Variants in BTBD9 observed in about 807,000 individuals in gnomAD.
The protein encoded by BTBD9 is BTB domain containing 9.
BTBD9 carries 49 observed loss-of-function variants against 64.3 expected under a neutral mutation model. The ratio of observed to expected loss-of-function variants is 0.76; its 90% CI spans 0.61 to 0.97. The LOEUF (loss-of-function observed/expected upper bound fraction) is 0.97, where lower values mean the gene tolerates loss of function less well. Ranked by LOEUF, BTBD9 falls within the 50% of genes least tolerant of loss-of-function variation. The probability of loss-of-function intolerance (pLI) is 0.00; values close to 1 mark genes in which losing one functional copy is unlikely to be tolerated. For missense variants in BTBD9, 598 were observed against 762.1 expected (o/e 0.78, Z 2.53); for synonymous variants, 260 against 274.7 (o/e 0.95, Z 0.53).
In BTBD9 at chr6:38,553,390, C is replaced by T; in HGVS notation, c.1154+24210G>A. ...AGATTTGGAGGGGGCAGGCTGGTCA[C>T]TAAAACAGATCCAACACAAAGCTGT... On this transcript the variant is annotated intron_variant, in intron 6 of 10. Transcript: ENST00000481247. Among the ~76,000 whole-genome samples the T allele has an allele frequency of 1.3e-5, 2 of 152,114 alleles. 1 individual carries two copies. The highest frequency in any genetic ancestry group is 2.9e-5 in the Non-Finnish European group (2 of 68,008).
chr6:38,375,936 AAAGAAGGAAAGAAGGAAAG>A (rs1444084409), intron 6 of BTBD9, among the ~76,000 whole-genome samples: 4 of 99,654 alleles, frequency 4.0e-5, no homozygotes, highest in African/African-American at 1.9e-4. Context: ...AGAAAGAAAG[AAAGAAGGAAAGAAGGAAAG>A]AAAGAAAGAA....
chr6:38,406,228 G>C (rs1462860280), intron 6 of BTBD9, among the ~76,000 whole-genome samples: 1 of 152,164 alleles, frequency 6.6e-6, no homozygotes, highest in Non-Finnish European at 1.5e-5. Context: ...TAACATTTTA[G>C]AGTCCCAGAA....
At chr6:38,185,820 T>C (rs1332772926) in intron 10 of BTBD9, among the ~76,000 whole-genome samples, 1 of 152,222 alleles carries the variant, frequency 6.6e-6, no homozygotes, top group East Asian at 1.9e-4. Context: ...AATCCTAGTA[T>C]ACGTATTCTT....
chr6:38,421,227 G>C (rs1244635300), intron 6 of BTBD9, among the ~76,000 whole-genome samples: 5 of 151,926 alleles, frequency 3.3e-5, no homozygotes, highest in Admixed American at 3.3e-4. Context: ...GTGGTGATGG[G>C]TGCCTGTAAT....
intron 1 of BTBD9, among the ~76,000 whole-genome samples, chr6:38,622,190 G>A (rs1179653325): frequency 1.3e-5 from 2 of 152,202 alleles, no homozygotes; most frequent in Non-Finnish European, 2.9e-5. Flanking sequence ...TAATCCCTCG[G>A]TCCGTTGTAA....
chr6:38,290,546 T>G (rs1447590760), intron 7 of BTBD9, among the ~76,000 whole-genome samples: 1 of 152,204 alleles, frequency 6.6e-6, no homozygotes, highest in African/African-American at 2.4e-5. Context: ...ATTTTTTCAC[T>G]CACCCTATGT....
At chr6:38,497,392 C>T (rs1000240037) in intron 6 of BTBD9, among the ~76,000 whole-genome samples, 1 of 151,858 alleles carries the variant, frequency 6.6e-6, no homozygotes, top group Non-Finnish European at 1.5e-5. Context: ...CTTTTTTTCC[C>T]CAAACTGTAC....
At chr6:38,430,412 A>G (rs1768393760) in intron 6 of BTBD9, among the ~76,000 whole-genome samples, 1 of 151,534 alleles carries the variant, frequency 6.6e-6, no homozygotes, top group African/African-American at 2.4e-5. Flanking sequence ...TTGTTTAGAG[A>G]CAGGGTCTCA....
At chr6:38,623,939 G>C (rs1007304376) in intron 1 of BTBD9, among the ~76,000 whole-genome samples, 1 of 152,122 alleles carries the variant, frequency 6.6e-6, no homozygotes, top group Non-Finnish European at 1.5e-5. Flanking sequence ...TACTACAACT[G>C]CAGGGCCCCT....
chr6:38,591,569 C>A (rs535032903), intron 4 of BTBD9, among the ~76,000 whole-genome samples: 1 of 152,290 alleles, frequency 6.6e-6, no homozygotes, highest in African/African-American at 2.4e-5. Flanking sequence ...GTTAATTACA[C>A]AACTTCTGGA....
chr6:38,464,466 A>G (rs1770250351), intron 6 of BTBD9, among the ~76,000 whole-genome samples: 1 of 149,764 alleles, frequency 6.7e-6, no homozygotes, highest in South Asian at 2.1e-4. Context: ...TCTGTGTTCC[A>G]TGAGGAATAT....
chr6:38,489,694 T>C (rs1344867909), intron 6 of BTBD9, among the ~76,000 whole-genome samples: 2 of 152,224 alleles, frequency 1.3e-5, no homozygotes, highest in Admixed American at 1.3e-4. Context: ...TTTTTCCATT[T>C]GATAAGCATG....
chr6:38,423,510 G>T (rs768566430), intron 6 of BTBD9, among the ~76,000 whole-genome samples: 1 of 151,962 alleles, frequency 6.6e-6, no homozygotes, highest in African/African-American at 2.4e-5. Flanking sequence ...TCACTATATT[G>T]CCCAGGGTGG....
At chr6:38,604,231 T>C (rs1487025718) in intron 1 of BTBD9, among the ~76,000 whole-genome samples, 1 of 152,258 alleles carries the variant, frequency 6.6e-6, no homozygotes, top group African/African-American at 2.4e-5. Flanking sequence ...GGAAAGATTT[T>C]GAATGTCCAG....
At chr6:38,549,453 C>T (rs911192683) in intron 6 of BTBD9, among the ~76,000 whole-genome samples, 2 of 152,130 alleles carry the variant, frequency 1.3e-5, no homozygotes, top group African/African-American at 4.8e-5. Flanking sequence ...ATGTTTGTCC[C>T]CAAACAGGCT....
intron 1 of BTBD9, among the ~76,000 whole-genome samples, chr6:38,598,364 C>G (rs34408317): frequency 0.087 from 13,198 of 152,188 alleles, 696 homozygotes; most frequent in Middle Eastern, 0.18. Context: ...ACTAACAGCA[C>G]TTGGAGCCAT....
chr6:38,251,457 G>A (rs1211142758), intron 9 of BTBD9, among the ~76,000 whole-genome samples: 3 of 151,904 alleles, frequency 2.0e-5, no homozygotes, highest in Non-Finnish European at 4.4e-5. Context: ...TAGAGACAGG[G>A]CTTCATCATG....
intron 9 of BTBD9, among the ~76,000 whole-genome samples, chr6:38,247,170 C>A (rs1175064204): frequency 6.8e-6 from 1 of 146,476 alleles, no homozygotes; most frequent in Non-Finnish European, 1.5e-5. Context: ...AAAAAAAAAT[C>A]ACAGGCAAAG....
intron 6 of BTBD9, among the ~76,000 whole-genome samples, chr6:38,430,552 G>C (rs940625706): frequency 6.6e-6 from 1 of 151,788 alleles, no homozygotes; most frequent in Non-Finnish European, 1.5e-5. Flanking sequence ...GTCTTGCTCT[G>C]TTGCCCAGGC....
Sources: gnomAD v4.1 joint callset for allele counts (sites outside exome capture counted in the v4.1 genomes callset) on GRCh38, gnomAD v4.1.1 for gene constraint, MANE v1.5 for transcripts, NCBI Gene and HGNC (gene_info 2026-07-23, HGNC 2026-07-21) for gene names.